Variants in UBL3 observed in about 807,000 individuals in gnomAD.
UBL3 encodes the protein ubiquitin like 3.
UBL3 carries 6 observed loss-of-function variants against 18.4 expected under a neutral mutation model. The ratio of observed to expected loss-of-function variants is 0.33; its 90% CI spans 0.18 to 0.64. The LOEUF is 0.64. UBL3 is among the 30% of genes least tolerant of loss of function. The probability of loss-of-function intolerance (pLI) is 0.76; values close to 1 mark genes in which losing one functional copy is unlikely to be tolerated. For missense variants in UBL3, 109 were observed against 142.9 expected, an observed-to-expected ratio of 0.76 and a Z score of 1.21; for synonymous variants, 49 against 46.6, an observed-to-expected ratio of 1.05 and a Z score of -0.21.
At position 29,775,293 on chromosome 13, in the gene UBL3, G is replaced by A. The variant is rs78730665; in HGVS notation, c.136+1862C>T. Among the ~76,000 whole-genome samples, 152 of 152,180 alleles carry A rather than the reference G, an allele frequency of 1.0e-3. 2 individuals carry two copies. The East Asian group carries it at 0.026, about 26-fold the overall frequency. Reference sequence around the variant, plus strand: ...AAGAAGAATAAAGAGTTTTAACTGGGTTTAAGTTTCTACATTTTAAAATAC... The same window carrying A: ...AAGAAGAATAAAGAGTTTTAACTGGATTTAAGTTTCTACATTTTAAAATAC... On this transcript the variant is annotated intron_variant, in intron 2 of 4. Coordinates refer to ENST00000380680, the MANE Select transcript of UBL3 (RefSeq NM_007106.4).
chr13:29,777,087 ATGTT>A, intron 2 of UBL3, 64 bp downstream of exon 2: 2 of 1,219,426 alleles, frequency 1.6e-6, no homozygotes, highest in Admixed American at 2.8e-5. Flanking sequence ...CAGTTTCAAA[ATGTT>A]TGTGAGACAA....
In UBL3 at chr13:29,765,808, T is replaced by C. The variant is rs1313286155; in HGVS notation, c.*1447A>G. The stretch of plus-strand genomic sequence containing the variant: ...ATCAAAGCATTAACAATGAATAAAA[T>C]AACATGATTACATTTAAACAACGCT... On this transcript the variant is annotated 3_prime_UTR_variant, in exon 5 of 5. Coordinates refer to ENST00000380680, the MANE Select transcript of UBL3 (RefSeq NM_007106.4). The C allele has an allele frequency of 6.6e-6, 1 of 152,540 alleles. No homozygotes were observed. Among genetic ancestry groups the C allele is most frequent in the Non-Finnish European group, 1.5e-5 (1 of 67,966 alleles). The allele number at this position is 152,540 out of a possible 1,614,324, so 9.4% of individuals were successfully genotyped here.
chr13:29,796,315 C>A (rs4297554), intron 1 of UBL3, among the ~76,000 whole-genome samples: 42,671 of 151,874 alleles, frequency 0.28, 6,075 homozygotes, highest in East Asian at 0.42. Context: ...TTTAAAGTTA[C>A]CTTTAAGTTT....
chr13:29,810,521 T>C (rs372481860), intron 1 of UBL3, among the ~76,000 whole-genome samples: 1 of 152,102 alleles, frequency 6.6e-6, no homozygotes, highest in Non-Finnish European at 1.5e-5. Context: ...CCAGATGCTG[T>C]ACTGTTTTAA....
chr13:29,797,201 C>G (rs1877635623), intron 1 of UBL3, among the ~76,000 whole-genome samples: 1 of 151,778 alleles, frequency 6.6e-6, no homozygotes, highest in Admixed American at 6.6e-5. Flanking sequence ...CTTTGTCTCC[C>G]CAATGAAACT....
chr13:29,820,242 T>C (rs1354771499), intron 1 of UBL3, among the ~76,000 whole-genome samples: 1 of 147,204 alleles, frequency 6.8e-6, no homozygotes, highest in Non-Finnish European at 1.5e-5. Flanking sequence ...AGTGGCTCGA[T>C]CTCGGCTCAC....
intron 1 of UBL3, among the ~76,000 whole-genome samples, chr13:29,791,462 C>A (rs367769694): frequency 1.3e-5 from 2 of 152,142 alleles, no homozygotes; most frequent in African/African-American, 4.8e-5. Flanking sequence ...CTCTTAAGAT[C>A]AAATATTTAC....
At chr13:29,791,455 T>C (rs1877477296) in intron 1 of UBL3, among the ~76,000 whole-genome samples, 1 of 152,212 alleles carries the variant, frequency 6.6e-6, no homozygotes. Flanking sequence ...TAAGTAACTC[T>C]TAAGATCAAA....
Position 29,825,493 on chromosome 13 carries a change from G to A in UBL3, c.27+24019C>T, listed in dbSNP as rs370943466. ...TGAATGGGATTTCACTCATGATTTG[G>A]CTCTCTGTTTGTCTGTTATTGGTGT... On this transcript the variant is annotated intron_variant, in intron 1 of 4. Transcript: ENST00000380680. Among the ~76,000 whole-genome samples the A allele has an allele frequency of 6.8e-4, 103 of 152,178 alleles. 2 individuals carry two copies. The highest frequency in any genetic ancestry group is 3.4e-3 in the Middle Eastern group (1 of 294).
chr13:29,822,794 G>T (rs2794297), intron 1 of UBL3, among the ~76,000 whole-genome samples: 15,533 of 152,140 alleles, frequency 0.1, 970 homozygotes, highest in African/African-American at 0.17. Flanking sequence ...AGAACTAAAG[G>T]TTTTCTTTTG....
At chr13:29,832,444 T>C (rs1878804859) in intron 1 of UBL3, among the ~76,000 whole-genome samples, 1 of 151,968 alleles carries the variant, frequency 6.6e-6, no homozygotes, top group South Asian at 2.1e-4. Context: ...GCCATTCTCC[T>C]GCGTCAGCCT....
intron 1 of UBL3, among the ~76,000 whole-genome samples, chr13:29,835,137 T>TTTATATATAA: frequency 1.3e-4 from 1 of 7,744 alleles, no homozygotes; most frequent in Non-Finnish European, 2.4e-4. Flanking sequence ...TATATATATA[T>TTTATATATAA]ATATATATAT....
rs1341134537 is a variant in UBL3 at position 29,776,864 on chromosome 13, C to T, written c.136+291G>A. On this transcript the variant is annotated intron_variant, in intron 2 of 4. Coordinates refer to ENST00000380680, the MANE Select transcript of UBL3 (RefSeq NM_007106.4). ...CCAGCCTGGCGACATAGCGAGACTC[C>T]ATCTCAAAAAAAAAAAAAAAAAAAA... Among the ~76,000 whole-genome samples the T allele has an allele frequency of 6.0e-4, 23 of 38,358 alleles. No homozygotes were observed. In the Admixed American group the frequency reaches 9.1e-3, roughly 15 times the overall value. The allele number at this position is 38,358 out of a possible 152,430, so 25.2% of individuals were successfully genotyped here.
intron 1 of UBL3, among the ~76,000 whole-genome samples, chr13:29,823,830 T>C (rs1332975564): frequency 5.3e-5 from 8 of 151,624 alleles, no homozygotes; most frequent in Non-Finnish European, 5.9e-5. Flanking sequence ...TTACATTAGG[T>C]GTATCTCCTA....
At chr13:29,769,382 A>G (rs1158835279) in intron 3 of UBL3, among the ~76,000 whole-genome samples, 1 of 152,106 alleles carries the variant, frequency 6.6e-6, no homozygotes, top group East Asian at 1.9e-4. Context: ...AATGTGAAAG[A>G]AGAGGAATAC....
chr13:29,826,724 T>C (rs572725694), intron 1 of UBL3, among the ~76,000 whole-genome samples: 6 of 152,328 alleles, frequency 3.9e-5, no homozygotes, highest in African/African-American at 1.2e-4. Flanking sequence ...TGCCTTCTGC[T>C]AGCTTTTGAA....
intron 1 of UBL3, among the ~76,000 whole-genome samples, chr13:29,802,683 T>A (rs1877802897): frequency 6.6e-6 from 1 of 152,116 alleles, no homozygotes; most frequent in South Asian, 2.1e-4. Flanking sequence ...AATGGCAGAA[T>A]AAGCCAAGTT....
At chr13:29,827,343 T>C (rs2761930) in intron 1 of UBL3, among the ~76,000 whole-genome samples, 15,533 of 152,154 alleles carry the variant, frequency 0.1, 978 homozygotes, top group African/African-American at 0.17. Flanking sequence ...TCTCCAAGGA[T>C]TTGCTTTATG....
At chr13:29,799,080 T>TA (rs2139330971) in intron 1 of UBL3, among the ~76,000 whole-genome samples, 1 of 152,300 alleles carries the variant, frequency 6.6e-6, no homozygotes, top group South Asian at 2.1e-4. Context: ...GCACAACTGA[T>TA]ATTTTAGACC....
Sources: gnomAD v4.1 joint callset for allele counts (sites outside exome capture counted in the v4.1 genomes callset) on GRCh38, gnomAD v4.1.1 for gene constraint, MANE v1.5 for transcripts, NCBI Gene and HGNC (gene_info 2026-07-23, HGNC 2026-07-21) for gene names.